TTC3: variants seen among roughly 807,000 people sequenced by gnomAD.
TTC3 encodes the protein tetratricopeptide repeat domain 3.
A neutral mutation model predicts 249.6 loss-of-function variants in TTC3; 180 were observed. The observed-to-expected ratio is 0.72, with a 90% CI of 0.64 to 0.82. The LOEUF is 0.82. Among genes scored for constraint, TTC3 ranks in the 40% least tolerant of loss-of-function variants. The pLI is 0.00. For missense variants in TTC3, 2,061 were observed against 2,398.4 expected (o/e 0.86, Z 2.94); for synonymous variants, 717 against 805.0 (o/e 0.89, Z 1.85).
chr21:37,160,708 A>T, intron 29 of TTC3, 94 bp from the exon 30 acceptor site: 1 of 1,263,198 alleles, frequency 7.9e-7, no homozygotes, highest in South Asian at 1.3e-5. Flanking sequence ...CATTTAACTT[A>T]TGGCTAGTCT....
chr21:37,134,126 A>T (rs1445915859), intron 17 of TTC3, among the ~76,000 whole-genome samples: 1 of 152,070 alleles, frequency 6.6e-6, no homozygotes, highest in Non-Finnish European at 1.5e-5. Flanking sequence ...TATTCTGGGG[A>T]GCGTTCTGCC....
chr21:37,101,214 A>G (rs980368838), intron 10 of TTC3: 4 of 152,250 alleles, frequency 2.6e-5, no homozygotes, highest in Non-Finnish European at 4.4e-5. Context: ...ACTGCCTTCC[A>G]TCAGATCCCA....
intron 10 of TTC3, chr21:37,101,360 TGTGTGTG>T (rs2074482761): frequency 6.7e-6 from 1 of 150,214 alleles, no homozygotes; most frequent in African/African-American, 2.5e-5. Flanking sequence ...CTTGTGTGTG[TGTGTGTG>T]TGTGTGTGTG....
In TTC3 at chr21:37,159,659, T is replaced by C. The variant is rs768453520; in HGVS notation, c.2993-40T>C. The C allele has an allele frequency of 1.6e-5, 26 of 1,596,208 alleles. 1 individual carries two copies. The South Asian group carries it at 2.9e-4, about 18-fold the overall frequency. ...TTAGTGTACTATATGGAAATGTAAATATTTAGTTTTCTCACAAAACCATCT... is the reference window on the plus strand; with the variant it reads ...TTAGTGTACTATATGGAAATGTAAACATTTAGTTTTCTCACAAAACCATCT... On this transcript the variant is annotated intron_variant, in intron 28 of 45. Transcript: ENST00000355666.
intron 10 of TTC3, among the ~76,000 whole-genome samples, chr21:37,105,960 G>A (rs909821504): frequency 6.6e-6 from 1 of 152,216 alleles, no homozygotes; most frequent in African/African-American, 2.4e-5. Context: ...TAATTAAGGA[G>A]TGGAATTGTT....
intron 20 of TTC3, among the ~76,000 whole-genome samples, chr21:37,142,957 C>T (rs1050122825): frequency 6.6e-6 from 1 of 152,226 alleles, no homozygotes; most frequent in African/African-American, 2.4e-5. Flanking sequence ...CTACAACTAT[C>T]TGATCTTTGA....
chr21:37,088,834 T>A, exon 5 of TTC3: 1 of 1,613,652 alleles, frequency 6.2e-7, no homozygotes, highest in Non-Finnish European at 8.5e-7. Context: ...TTGAAGAAAC[T>A]ACAACATCTT....
chr21:37,143,555 A>C (rs1438468024), intron 20 of TTC3, among the ~76,000 whole-genome samples: 1 of 152,008 alleles, frequency 6.6e-6, no homozygotes, highest in African/African-American at 2.4e-5. Flanking sequence ...ACCGTCTCAC[A>C]CCAGTTAGAA....
intron 1 of TTC3, chr21:37,082,782 A>G (rs1484717699): frequency 1.0e-6 from 1 of 983,762 alleles, no homozygotes; most frequent in African/African-American, 1.8e-5. Flanking sequence ...TGTATAGTTG[A>G]CCATAACTGA....
At chr21:37,146,539 A>G (rs1409708156) in intron 21 of TTC3, among the ~76,000 whole-genome samples, 2 of 152,082 alleles carry the variant, frequency 1.3e-5, no homozygotes, top group African/African-American at 4.8e-5. Flanking sequence ...AAGAGTACTG[A>G]TAACATGCTG....
At chr21:37,130,498 A>G (rs1223266179) in intron 16 of TTC3, among the ~76,000 whole-genome samples, 1 of 152,206 alleles carries the variant, frequency 6.6e-6, no homozygotes, top group Non-Finnish European at 1.5e-5. Context: ...TAAATGGGAT[A>G]ACCACGTAAA....
intron 41 of TTC3, among the ~76,000 whole-genome samples, chr21:37,195,379 G>T (rs144967246): frequency 5.3e-5 from 8 of 152,288 alleles, no homozygotes; most frequent in African/African-American, 1.7e-4. Context: ...GTGTAACCAG[G>T]TAGAGGCTGA....
chr21:37,165,346 A>G (rs2081153089), intron 32 of TTC3, among the ~76,000 whole-genome samples: 1 of 152,056 alleles, frequency 6.6e-6, no homozygotes, highest in African/African-American at 2.4e-5. Context: ...TTAAATGATC[A>G]TTTTCTAGGA....
chr21:37,134,228 G>A (rs2077720874), intron 17 of TTC3, among the ~76,000 whole-genome samples: 2 of 152,140 alleles, frequency 1.3e-5, no homozygotes, highest in South Asian at 4.1e-4. Context: ...GAGGCAGGCG[G>A]ATCACAAGGT....
intron 18 of TTC3, among the ~76,000 whole-genome samples, chr21:37,135,931 A>G (rs1204403025): frequency 1.3e-5 from 2 of 152,216 alleles, no homozygotes; most frequent in Admixed American, 6.5e-5. Context: ...TTCTGAAAGC[A>G]TGTGCTCACC....
chr21:37,090,193 A>T lies in TTC3; in HGVS notation c.427-40A>T. On this transcript the variant is annotated intron_variant, in intron 5 of 45. Coordinates refer to ENST00000355666, the Ensembl canonical transcript of TTC3. ...CCGTTAGAAAATTCAAGTAGAATTGACTGAATAAGGAAAAAATATGTCCTT... is the reference window on the plus strand; with the variant it reads ...CCGTTAGAAAATTCAAGTAGAATTGTCTGAATAAGGAAAAAATATGTCCTT... 3 of 1,502,672 alleles carry T rather than the reference A, an allele frequency of 2.0e-6. No homozygotes were observed. The South Asian group carries it at 3.6e-5, about 18-fold the overall frequency. 93.1% of individuals were successfully genotyped at this position (1,502,672 alleles called of 1,614,324 possible).
intron 9 of TTC3, among the ~76,000 whole-genome samples, chr21:37,095,853 T>C (rs905324253): frequency 2.0e-5 from 3 of 152,244 alleles, no homozygotes; most frequent in African/African-American, 4.8e-5. Context: ...ACAGGATAAT[T>C]GAGAGAATGC....
chr21:37,176,540 C>T (rs1233364209), intron 35 of TTC3, among the ~76,000 whole-genome samples: 1 of 152,178 alleles, frequency 6.6e-6, no homozygotes, highest in East Asian at 1.9e-4. Context: ...GCCCTGCCTG[C>T]CAAAACTTCC....
chr21:37,153,056 T>C (rs1053808), exon 27 of TTC3: 843,413 of 1,613,542 alleles, frequency 0.52, 223,940 homozygotes, highest in African/African-American at 0.7. Context: ...AATACAGCCA[T>C]GCTTCTCAAA....
Sources: allele counts gnomAD v4.1 joint callset (sites outside exome capture counted in the v4.1 genomes callset), GRCh38; gene constraint gnomAD v4.1.1; transcripts MANE v1.5; gene names NCBI Gene and HGNC (gene_info 2026-07-23, HGNC 2026-07-21).